Variants in SRI observed in about 807,000 individuals in gnomAD.
The protein encoded by SRI is 22 kDa protein.
Under a neutral mutation model 33.3 loss-of-function variants are expected in SRI, and 30 were observed. The ratio of observed to expected loss-of-function variants is 0.90; its 90% confidence interval spans 0.67 to 1.22. The LOEUF is 1.22. Ranked by LOEUF, SRI falls within the 50% of genes most tolerant of loss-of-function variation. SRI has a pLI of 0.00. For synonymous variants in SRI, 75 were observed against 89.9 expected (o/e 0.83, Z 0.94); for missense variants, 243 against 250.8 (o/e 0.97, Z 0.21).
chr7:88,208,290 C>A (rs972265946), intron 7 of SRI: 58 of 1,261,790 alleles, frequency 4.6e-5, no homozygotes, highest in Non-Finnish European at 5.6e-5. Flanking sequence ...GGGTCTTGAA[C>A]CCAGGTCTCT....
chr7:88,217,025 G>T, intron 3 of SRI, 97 bp downstream of exon 3: 3 of 1,121,150 alleles, frequency 2.7e-6, no homozygotes, highest in South Asian at 1.2e-5. Flanking sequence ...TGCTAGATCC[G>T]ACAAGCTCAG....
intron 6 of SRI, 122 bp downstream of exon 6, chr7:88,209,217 G>GA (rs959649176): frequency 2.2e-5 from 17 of 782,216 alleles, no homozygotes; most frequent in Admixed American, 6.1e-5. Context: ...ATAGTAATCT[G>GA]AAAAAAACTA....
chr7:88,218,754 A>AAGG (rs1222910990), intron 2 of SRI, 105 bp downstream of exon 2: 7 of 1,049,124 alleles, frequency 6.7e-6, no homozygotes, highest in Non-Finnish European at 1.0e-5. Context: ...TGCAGAAGCA[A>AAGG]AGGGACTCAG....
chr7:88,208,536 G>C lies in SRI; in HGVS notation c.541C>G (p.Gln181Glu). 6.2e-7 allele frequency: 1 copy of C among 1,613,826 alleles called. No individual in the cohort carries two copies. Among genetic ancestry groups the C allele is most frequent in the Non-Finnish European group, 8.5e-7 (1 of 1,179,886 alleles). Residue 181 changes from glutamine (Q) to glutamate (E), a missense_variant, in exon 7 of 8, where the codon CAA (glutamine) becomes GAA (glutamate). By Grantham distance (29) the Gln-to-Glu change is conservative (BLOSUM62 2). Coordinates refer to ENST00000265729, the MANE Select transcript of SRI (RefSeq NM_003130.4). ...TCATATGGGAAATTCACAACACCTT[G>C]CTGAGCAGTATCCCGTCTTCGAAAG... ...DSFRRRDTAQ[Q>E]GVVNFPYDDF...
At position 88,209,403 on chromosome 7, in the gene SRI, G is replaced by A. The variant is rs150714131; in HGVS notation, c.447C>T (p.Ser149=). 4.4e-5 allele frequency: 71 copies of A among 1,614,076 alleles called. No homozygotes were observed. The African/African-American group carries it at 8.1e-4, about 18-fold the overall frequency. The change falls in exon 6 of 8, where the codon AGC becomes AGT. Residue 149 remains serine, a synonymous_variant. Transcript: ENST00000265729. Reference sequence around the variant, plus strand: ...CGTCGAAGGTGATCTTTCCATTGGTGCTGTATCGTTTTGCAATTGAATTCA... The same window carrying A: ...CGTCGAAGGTGATCTTTCCATTGGTACTGTATCGTTTTGCAATTGAATTCA... ...QAVNSIAKRY[S]TNGKITFDDY...
Position 88,206,041 on chromosome 7 carries a change from G to A in SRI, c.*437C>T, listed in dbSNP as rs1851433299. 1 of 175,128 alleles carries A rather than the reference G, an allele frequency of 5.7e-6. No individual in the cohort carries two copies. Among genetic ancestry groups the A allele is most frequent in the Non-Finnish European group, 1.2e-5 (1 of 81,026 alleles). 10.8% of individuals were successfully genotyped at this position (175,128 alleles called of 1,614,324 possible). On this transcript the variant is annotated 3_prime_UTR_variant, in exon 8 of 8. Coordinates refer to ENST00000265729, the MANE Select transcript of SRI (RefSeq NM_003130.4). ...CGTGGATTACTGGATTACCTTTTTT[G>A]TTGTTTTATTTCACCCAAGTGCGTC... is the stretch of plus-strand genomic sequence containing the variant.
At chr7:88,222,613 C>T (rs1033765274), upstream of SRI, among the ~76,000 whole-genome samples, 21 of 152,216 alleles carry the variant, frequency 1.4e-4, no homozygotes, top group Non-Finnish European at 1.8e-4. Flanking sequence ...TACAAGGCTA[C>T]AGTAACCAAA....
Position 88,219,796 on chromosome 7 carries a change from G to A in SRI, c.51+180C>T, listed in dbSNP as rs556747848. On this transcript the variant is annotated intron_variant, in intron 1 of 7. Transcript: ENST00000265729. The stretch of plus-strand genomic sequence containing the variant: ...TCCAGGAGAAGGGACGGGGAAACGT[G>A]GGGAGAGGCCGAACCCCAGGGGCCT... Among the ~76,000 whole-genome samples the A allele has an allele frequency of 5.3e-4, 80 of 152,298 alleles. 1 individual carries two copies. In the East Asian group the frequency reaches 0.015, roughly 28 times the overall value.
chr7:88,224,677 C>T (rs1021978077), upstream of SRI, among the ~76,000 whole-genome samples: 29 of 152,094 alleles, frequency 1.9e-4, no homozygotes, highest in Non-Finnish European at 5.9e-5. Flanking sequence ...CTTGAACTGT[C>T]CGGAGTAAGA....
At chr7:88,223,216 T>G (rs1851928444), upstream of SRI, among the ~76,000 whole-genome samples, 4 of 152,230 alleles carry the variant, frequency 2.6e-5, no homozygotes, top group South Asian at 8.3e-4. Context: ...TGGCAACTTA[T>G]AATACCATCA....
At chr7:88,217,922 G>T (rs1296948182) in intron 2 of SRI, among the ~76,000 whole-genome samples, 1 of 152,180 alleles carries the variant, frequency 6.6e-6, no homozygotes, top group African/African-American at 2.4e-5. Context: ...AACAGTTTAA[G>T]TAGATACTTA....
chr7:88,217,689 G>A (rs1851767185), intron 2 of SRI, among the ~76,000 whole-genome samples: 4 of 152,072 alleles, frequency 2.6e-5, no homozygotes, highest in African/African-American at 9.7e-5. Flanking sequence ...GTGATTTTTA[G>A]GGACTTTAAA....
intron 1 of SRI, among the ~76,000 whole-genome samples, chr7:88,225,559 G>C (rs1337815803): frequency 6.6e-6 from 1 of 152,134 alleles, no homozygotes; most frequent in Non-Finnish European, 1.5e-5. Flanking sequence ...ATGCCAGTTA[G>C]ATTATTTCTA....
upstream of SRI, among the ~76,000 whole-genome samples, chr7:88,220,294 A>G (rs1851860728): frequency 6.6e-6 from 1 of 151,802 alleles, no homozygotes; most frequent in Non-Finnish European, 1.5e-5. Flanking sequence ...AATTCACACC[A>G]GGGACTTTCC....
intron 3 of SRI, among the ~76,000 whole-genome samples, chr7:88,216,238 A>G (rs918337168): frequency 2.0e-5 from 3 of 152,188 alleles, no homozygotes; most frequent in South Asian, 2.1e-4. Context: ...TCAGTCTCCT[A>G]AAGTGCTGGG....
chr7:88,211,677 C>CTGAG (rs948518707), intron 3 of SRI, among the ~76,000 whole-genome samples: 20 of 152,204 alleles, frequency 1.3e-4, no homozygotes, highest in African/African-American at 4.8e-4. Context: ...ATGTCAGGTA[C>CTGAG]TGAGCAGTAA....
At position 88,218,929 on chromosome 7, in the gene SRI, G is replaced by A. The variant is rs752914449; in HGVS notation, c.65C>T (p.Pro22Leu). Reference sequence around the variant, plus strand: ...TTGTCCGGGAAACGCAGGCCCTCCGGGAGCCCCTCCATACTGTGAAACAGG... The same window carrying A: ...TTGTCCGGGAAACGCAGGCCCTCCGAGAGCCCCTCCATACTGTGAAACAGG... ...GYYPGGYGGA[P>L]GGPAFPGQTQ... The change falls in exon 2 of 8, where the codon CCC (proline) becomes CTC (leucine). Residue 22 changes from proline (P) to leucine (L), a missense_variant. Coordinates refer to ENST00000265729, the MANE Select transcript of SRI (RefSeq NM_003130.4). 2 of 1,613,802 alleles carry A rather than the reference G, an allele frequency of 1.2e-6. No individual in the cohort carries two copies. Among genetic ancestry groups the A allele is most frequent in the South Asian group, 2.2e-5 (2 of 91,080 alleles).
chr7:88,224,993 T>A (rs1851964909), upstream of SRI, among the ~76,000 whole-genome samples: 1 of 152,208 alleles, frequency 6.6e-6, no homozygotes, highest in Non-Finnish European at 1.5e-5. Context: ...CAGGGACCCT[T>A]TCATCTGTGT....
upstream of SRI, among the ~76,000 whole-genome samples, chr7:88,220,804 A>G (rs1851871915): frequency 6.6e-6 from 1 of 152,248 alleles, no homozygotes; most frequent in Non-Finnish European, 1.5e-5. Flanking sequence ...CCATTTCCCT[A>G]AAAGTATTCA....
Sources: gnomAD v4.1 joint callset for allele counts (sites outside exome capture counted in the v4.1 genomes callset) on GRCh38, gnomAD v4.1.1 for gene constraint, MANE v1.5 for transcripts, NCBI Gene and HGNC (gene_info 2026-07-23, HGNC 2026-07-21) for gene names.